ADAMTS19: variants seen among roughly 807,000 people sequenced by gnomAD.
The protein encoded by ADAMTS19 is A disintegrin and metalloproteinase with thrombospondin motifs 19.
In ADAMTS19, 93 loss-of-function variants were observed where a neutral mutation model predicts 153.3. The ratio of observed to expected loss-of-function variants is 0.61; its 90% CI spans 0.51 to 0.72. The LOEUF (loss-of-function observed/expected upper bound fraction) is 0.72. ADAMTS19 is among the 30% of genes least tolerant of loss of function. ADAMTS19 has a pLI of 0.00. For synonymous variants in ADAMTS19, 600 were observed against 556.6 expected (o/e 1.08, Z -1.10); for missense variants, 1,482 against 1,552.1 (o/e 0.95, Z 0.76).
At chr5:129,589,817 G>T (rs1432825074) in intron 7 of ADAMTS19, among the ~76,000 whole-genome samples, 3 of 152,056 alleles carry the variant, frequency 2.0e-5, no homozygotes, top group Non-Finnish European at 4.4e-5. Context: ...TCCCCTTTGA[G>T]AACTTCATGC....
intron 10 of ADAMTS19, among the ~76,000 whole-genome samples, chr5:129,624,066 G>C (rs1052443903): frequency 7.2e-6 from 1 of 139,472 alleles, no homozygotes; most frequent in African/African-American, 2.7e-5. Flanking sequence ...GGTGGAGCTT[G>C]CAGTGAGCCG....
chr5:129,592,892 C>T (rs1169937458), intron 7 of ADAMTS19, among the ~76,000 whole-genome samples: 1 of 152,124 alleles, frequency 6.6e-6, no homozygotes, highest in African/African-American at 2.4e-5. Flanking sequence ...ATTTTTGATA[C>T]ATAGTTGCAA....
At chr5:129,699,720 C>G (rs1755742457) in intron 19 of ADAMTS19, among the ~76,000 whole-genome samples, 1 of 152,058 alleles carries the variant, frequency 6.6e-6, no homozygotes, top group Admixed American at 6.6e-5. Context: ...GTCAAGGATC[C>G]AGGCACAGGA....
At chr5:129,726,508 A>G (rs1757216338) in intron 21 of ADAMTS19, among the ~76,000 whole-genome samples, 1 of 152,112 alleles carries the variant, frequency 6.6e-6, no homozygotes, top group African/African-American at 2.4e-5. Context: ...TTTAGCATTT[A>G]TTAGAAAGAA....
At chr5:129,577,363 A>G (rs1749184251) in intron 7 of ADAMTS19, among the ~76,000 whole-genome samples, 1 of 152,130 alleles carries the variant, frequency 6.6e-6, no homozygotes, top group South Asian at 2.1e-4. Flanking sequence ...TTGTGCTTAC[A>G]TTTTGATGGA....
At chr5:129,531,520 G>A (rs922382251) in intron 6 of ADAMTS19, among the ~76,000 whole-genome samples, 3 of 152,074 alleles carry the variant, frequency 2.0e-5, no homozygotes, top group Non-Finnish European at 2.9e-5. Context: ...AGCTACCTGG[G>A]AGGCTGAGCC....
intron 2 of ADAMTS19, among the ~76,000 whole-genome samples, chr5:129,502,586 A>G (rs1305861749): frequency 1.5e-4 from 23 of 152,234 alleles, no homozygotes; most frequent in Admixed American, 1.4e-3. Flanking sequence ...AAATGGAATG[A>G]GGTTAACAAT....
intron 2 of ADAMTS19, among the ~76,000 whole-genome samples, chr5:129,491,645 T>G (rs1288564935): frequency 1.3e-5 from 2 of 152,226 alleles, no homozygotes; most frequent in Admixed American, 6.5e-5. Flanking sequence ...ATGACTGTTT[T>G]GTCATGAAAC....
At chr5:129,614,018 A>G (rs1215593733) in intron 8 of ADAMTS19, among the ~76,000 whole-genome samples, 1 of 152,190 alleles carries the variant, frequency 6.6e-6, no homozygotes, top group Non-Finnish European at 1.5e-5. Context: ...GACCAATAAC[A>G]GGCTCTGAAA....
chr5:129,716,010 C>G (rs1756710518), intron 21 of ADAMTS19, among the ~76,000 whole-genome samples: 1 of 151,542 alleles, frequency 6.6e-6, no homozygotes, highest in African/African-American at 2.4e-5. Context: ...AAGGGTTATT[C>G]AGAGGAGCAA....
chr5:129,540,140 CAG>C (rs748481214), intron 6 of ADAMTS19, among the ~76,000 whole-genome samples: 11 of 152,026 alleles, frequency 7.2e-5, no homozygotes, highest in Admixed American at 3.9e-4. Flanking sequence ...AGAGTAAACT[CAG>C]AACCAGGCTC....
intron 2 of ADAMTS19, among the ~76,000 whole-genome samples, chr5:129,465,339 T>A (rs1355729109): frequency 8.7e-5 from 13 of 149,898 alleles, no homozygotes; most frequent in African/African-American, 3.2e-4. Context: ...AACATGCTTA[T>A]AAGCGCTGGG....
intron 7 of ADAMTS19, among the ~76,000 whole-genome samples, chr5:129,594,273 G>A (rs1750271903): frequency 6.6e-6 from 1 of 152,166 alleles, no homozygotes; most frequent in Non-Finnish European, 1.5e-5. Flanking sequence ...ACTCATTAAA[G>A]TGACTGAAGT....
chr5:129,460,682 G>T, intron 1 of ADAMTS19, 200 bp downstream of exon 1: 1 of 624,654 alleles, frequency 1.6e-6, no homozygotes, highest in Non-Finnish European at 2.8e-6. Flanking sequence ...TTAACCGTAT[G>T]TGGAATAGTT....
At chr5:129,668,147 C>T (rs1754136252) in intron 16 of ADAMTS19, among the ~76,000 whole-genome samples, 1 of 152,136 alleles carries the variant, frequency 6.6e-6, no homozygotes, top group Admixed American at 6.6e-5. Context: ...GTGACCTTGT[C>T]ACTCCATTGT....
At chr5:129,514,650 TAC>T (rs1310258252) in intron 3 of ADAMTS19, among the ~76,000 whole-genome samples, 1 of 152,142 alleles carries the variant, frequency 6.6e-6, no homozygotes, top group African/African-American at 2.4e-5. Flanking sequence ...GATTTTTTCC[TAC>T]AGAGTTGTTT....
intron 20 of ADAMTS19, among the ~76,000 whole-genome samples, chr5:129,702,769 T>C (rs1221532434): frequency 6.6e-6 from 1 of 151,590 alleles, no homozygotes; most frequent in Non-Finnish European, 1.5e-5. Context: ...TTTTGCAAAC[T>C]CTTCGGGAGA....
intron 19 of ADAMTS19, 39 bp downstream of exon 19, chr5:129,694,894 C>G (rs200692621): frequency 6.9e-7 from 1 of 1,455,826 alleles, no homozygotes; most frequent in South Asian, 1.5e-5. Context: ...ATTATTTGTC[C>G]ATTAGATTGC....
chr5:129,494,122 TTTAGTATTAA>T lies in ADAMTS19; in HGVS notation c.748-14953_748-14944del, dbSNP rs576261978. ...CATCTTCCATAAAAATTATATTGCT[TTTAGTATTAA>T]TGAAATAAATAATGGAATGGTAGTT... is the stretch of plus-strand genomic sequence containing the variant. On this transcript the variant is annotated intron_variant, in intron 2 of 22. Coordinates refer to ENST00000274487, the MANE Select transcript of ADAMTS19 (RefSeq NM_133638.6). Among the ~76,000 whole-genome samples, 268 of 152,322 alleles carry T rather than the reference TTTAGTATTAA, an allele frequency of 1.8e-3. 1 individual carries two copies. Among genetic ancestry groups the T allele is most frequent in the Admixed American group, 3.8e-3 (58 of 15,282 alleles).
Sources: gnomAD v4.1 joint callset for allele counts (sites outside exome capture counted in the v4.1 genomes callset) on GRCh38, gnomAD v4.1.1 for gene constraint, MANE v1.5 for transcripts, NCBI Gene and HGNC (gene_info 2026-07-23, HGNC 2026-07-21) for gene names.